The following PKP4 variants were observed in gnomAD, a reference collection of about 807,000 sequenced individuals.
PKP4 encodes the protein plakophilin 4.
A neutral mutation model predicts 145.1 loss-of-function variants in PKP4; 90 were observed. That is an observed-to-expected ratio of 0.62 (90% confidence interval 0.52 to 0.74). The LOEUF is 0.74. Among genes scored for constraint, PKP4 ranks in the 30% least tolerant of loss-of-function variants. The probability of loss-of-function intolerance (pLI) is 0.00; values close to 1 mark genes in which losing one functional copy is unlikely to be tolerated. For missense variants in PKP4, 1,340 were observed against 1,482.7 expected (o/e 0.90, Z 1.58); for synonymous variants, 563 against 577.2 (o/e 0.98, Z 0.35).
intron 16 of PKP4, among the ~76,000 whole-genome samples, chr2:158,667,189 T>C (rs527666462): frequency 2.4e-4 from 36 of 152,302 alleles, no homozygotes; most frequent in African/African-American, 7.5e-4. Context: ...CCCAGGCAGC[T>C]TGCTTGCCTC....
chr2:158,509,164 G>A (rs1164893250), intron 1 of PKP4, among the ~76,000 whole-genome samples: 1 of 151,392 alleles, frequency 6.6e-6, no homozygotes, highest in African/African-American at 2.4e-5. Context: ...TTTGAGATTT[G>A]ATTATATCAC....
intron 1 of PKP4, among the ~76,000 whole-genome samples, chr2:158,498,417 A>G (rs1464896069): frequency 1.3e-5 from 2 of 152,220 alleles, no homozygotes; most frequent in Admixed American, 6.5e-5. Context: ...TGGATTCTGT[A>G]CTTTGCTTCA....
intron 1 of PKP4, among the ~76,000 whole-genome samples, chr2:158,480,686 C>CT (rs1693220015): frequency 6.6e-6 from 1 of 151,496 alleles, no homozygotes; most frequent in South Asian, 2.1e-4. Flanking sequence ...AATTTTAAAA[C>CT]TAAGAATTGA....
At chr2:158,556,432 A>G (rs1463353918) in intron 2 of PKP4, among the ~76,000 whole-genome samples, 1 of 152,022 alleles carries the variant, frequency 6.6e-6, no homozygotes, top group African/African-American at 2.4e-5. Context: ...AATTAGATAT[A>G]TTGACAAAAA....
intron 1 of PKP4, among the ~76,000 whole-genome samples, chr2:158,478,797 C>G (rs535324017): frequency 6.6e-6 from 1 of 152,314 alleles, no homozygotes; most frequent in East Asian, 1.9e-4. Context: ...GTATGGAGTG[C>G]CCATGAAACT....
rs1167238264 is a variant in PKP4, at chr2:158,634,146, C to T, written c.1419C>T (p.Asn473=). 1 of 1,613,912 alleles carries T rather than the reference C, an allele frequency of 6.2e-7. No individual in the cohort carries two copies. Among genetic ancestry groups the T allele is most frequent in the African/African-American group, 1.3e-5 (1 of 74,906 alleles). ...LTYQRNNYAL[N]TTATYAEPYR... ...ACCAAAGAAATAATTATGCTCTGAA[C>T]ACAACAGCTACCTACGCGGAGCCCT... Residue 473 remains asparagine, a synonymous_variant, in exon 9 of 22, where the codon AAC becomes AAT. Coordinates refer to ENST00000389759, the MANE Select transcript of PKP4 (RefSeq NM_003628.6).
intron 3 of PKP4, among the ~76,000 whole-genome samples, chr2:158,589,929 G>A (rs2049109668): frequency 6.6e-6 from 1 of 152,092 alleles, no homozygotes. Context: ...CCATCCACTA[G>A]TGCGTTTTCA....
rs1264829722 is a variant in PKP4 at position 158,551,911 on chromosome 2, G to A, written c.132+18595G>A. On this transcript the variant is annotated intron_variant, in intron 2 of 21. Transcript: ENST00000389759. ...TAGTCTTATTATAAATTAATATGCT[G>A]TCTCTCTAAACTGATTGTGGGAGGC... is the stretch of plus-strand genomic sequence containing the variant. Among the ~76,000 whole-genome samples the A allele has an allele frequency of 7.2e-5, 11 of 152,248 alleles. No homozygotes were observed. The East Asian group carries it at 2.1e-3, about 29-fold the overall frequency.
chr2:158,597,427 A>G (rs555060517), intron 3 of PKP4, among the ~76,000 whole-genome samples: 20 of 152,338 alleles, frequency 1.3e-4, no homozygotes, highest in African/African-American at 4.8e-4. Context: ...CTTTACTCTC[A>G]AGAAGGCTGC....
intron 4 of PKP4, among the ~76,000 whole-genome samples, chr2:158,615,560 A>G (rs970756558): frequency 1.3e-5 from 2 of 152,042 alleles, no homozygotes; most frequent in Non-Finnish European, 2.9e-5. Flanking sequence ...TTATATGACT[A>G]TTTGTGGAAA....
At chr2:158,486,011 A>G (rs985440631) in intron 1 of PKP4, among the ~76,000 whole-genome samples, 10 of 152,308 alleles carry the variant, frequency 6.6e-5, no homozygotes, top group African/African-American at 2.2e-4. Flanking sequence ...TTTTATTTCT[A>G]ATTAAATCTA....
chr2:158,640,491 G>C, intron 9 of PKP4, 136 bp from the exon 10 acceptor site: 1 of 796,958 alleles, frequency 1.3e-6, no homozygotes, highest in Non-Finnish European at 2.0e-6. Flanking sequence ...AAATTATTTA[G>C]GTATGTATTT....
At chr2:158,652,330 G>A (rs746691432) in intron 11 of PKP4, among the ~76,000 whole-genome samples, 10 of 152,190 alleles carry the variant, frequency 6.6e-5, no homozygotes, top group Non-Finnish European at 8.8e-5. Flanking sequence ...TAGAGGTAAC[G>A]TAAATGTCAA....
intron 2 of PKP4, among the ~76,000 whole-genome samples, chr2:158,569,203 T>TAGTA (rs1243467511): frequency 6.6e-6 from 1 of 152,266 alleles, no homozygotes; most frequent in Non-Finnish European, 1.5e-5. Context: ...TAAACTTTAC[T>TAGTA]ATTTTCTCTC....
chr2:158,529,150 A>G (rs1048800690), intron 1 of PKP4, among the ~76,000 whole-genome samples: 16 of 152,210 alleles, frequency 1.1e-4, no homozygotes, highest in African/African-American at 3.1e-4. Flanking sequence ...GCATTTTACC[A>G]TTAGCTCCAA....
Position 158,559,320 on chromosome 2 carries a change from G to C in PKP4, c.133-17951G>C, listed in dbSNP as rs570458234. 1.3e-4 allele frequency among the ~76,000 whole-genome samples: 20 copies of C among 152,008 alleles called. No homozygotes were observed. In the East Asian group the frequency reaches 3.9e-3, roughly 29 times the overall value. ...TTGCTGATGAATTCAGAAGGTTGTG[G>C]GTCTCGGTGGTAGACTGTGTTGTCC... On this transcript the variant is annotated intron_variant, in intron 2 of 21. Transcript: ENST00000389759.
intron 2 of PKP4, among the ~76,000 whole-genome samples, chr2:158,545,447 ATTG>A (rs1369375461): frequency 6.6e-6 from 1 of 152,202 alleles, no homozygotes; most frequent in East Asian, 1.9e-4. Flanking sequence ...CTTGTTAAAT[ATTG>A]TTGAGCACTA....
chr2:158,559,058 G>T (rs965158107), intron 2 of PKP4, among the ~76,000 whole-genome samples: 1 of 152,172 alleles, frequency 6.6e-6, no homozygotes, highest in African/African-American at 2.4e-5. Flanking sequence ...GTGGGAAACC[G>T]CAGACTCTCA....
intron 4 of PKP4, among the ~76,000 whole-genome samples, chr2:158,609,614 C>T (rs1235208095): frequency 1.3e-5 from 2 of 152,196 alleles, no homozygotes; most frequent in Non-Finnish European, 2.9e-5. Flanking sequence ...ATGGTTTGAT[C>T]ACTGCTTAGG....
Sources: allele counts gnomAD v4.1 joint callset (sites outside exome capture counted in the v4.1 genomes callset), GRCh38; gene constraint gnomAD v4.1.1; transcripts MANE v1.5; gene names NCBI Gene and HGNC (gene_info 2026-07-23, HGNC 2026-07-21).